The following FAM184B variants were observed in gnomAD, a reference collection of about 807,000 sequenced individuals.
FAM184B encodes the protein protein FAM184B.
A neutral mutation model predicts 135.9 loss-of-function variants in FAM184B; 111 were observed. The ratio of observed to expected loss-of-function variants is 0.82; its 90% CI spans 0.70 to 0.96. FAM184B has a LOEUF of 0.96. Ranked by LOEUF, FAM184B falls within the 40% of genes least tolerant of loss-of-function variation. FAM184B has a pLI of 0.00. For synonymous variants in FAM184B, 552 were observed against 524.8 expected (o/e 1.05, Z -0.71); for missense variants, 1,375 against 1,323.9 (o/e 1.04, Z -0.60).
At chr4:17,752,919 G>A (rs1333688144) in intron 1 of FAM184B, among the ~76,000 whole-genome samples, 2 of 152,210 alleles carry the variant, frequency 1.3e-5, no homozygotes, top group Non-Finnish European at 2.9e-5. Flanking sequence ...TGACACCCAA[G>A]TTTCTCTCTT....
chr4:17,692,344 A>G (rs1716758167), intron 6 of FAM184B, among the ~76,000 whole-genome samples: 1 of 152,230 alleles, frequency 6.6e-6, no homozygotes, highest in Non-Finnish European at 1.5e-5. Context: ...CTTTTCACCA[A>G]GACCCACCTC....
intron 1 of FAM184B, among the ~76,000 whole-genome samples, chr4:17,771,437 C>T (rs750395832): frequency 4.6e-5 from 7 of 152,164 alleles, no homozygotes; most frequent in African/African-American, 7.2e-5. Flanking sequence ...TTCGTGAGCT[C>T]CTTACACAAT....
intron 17 of FAM184B, 85 bp downstream of exon 17, chr4:17,633,604 G>A: frequency 1.6e-6 from 2 of 1,238,386 alleles, no homozygotes; most frequent in Non-Finnish European, 2.1e-6. Flanking sequence ...CTGGAATTTG[G>A]TACCAGGTGC....
At position 17,649,868 on chromosome 4, in the gene FAM184B, T is replaced by TCATC. The variant is rs60997289; in HGVS notation, c.2192-2081_2192-2078dup. Among the ~76,000 whole-genome samples the TCATC allele has an allele frequency of 1.1e-4, 15 of 134,348 alleles. No homozygotes were observed. The East Asian group carries it at 1.2e-3, about 11-fold the overall frequency. The allele number at this position is 134,348 out of a possible 152,430, so 88.1% of individuals were successfully genotyped here. A position where few individuals can be genotyped will look rare whatever the true frequency, so the allele number is the denominator to read the frequency against. On this transcript the variant is annotated intron_variant, in intron 11 of 17. Coordinates refer to ENST00000265018, the MANE Select transcript of FAM184B (RefSeq NM_015688.2). ...CCTGTCCATCCATCCATCCACCCACTCATCCATCCATCCACCCATCTATCT... is the reference window on the plus strand; with the variant it reads ...CCTGTCCATCCATCCATCCACCCACTCATCCATCCATCCATCCACCCATCTATCT...
intron 1 of FAM184B, among the ~76,000 whole-genome samples, chr4:17,777,179 A>G (rs114207963): frequency 1.3e-4 from 20 of 152,350 alleles, no homozygotes; most frequent in African/African-American, 4.8e-4. Context: ...AAGTAATAAA[A>G]AGGAACGAAT....
intron 1 of FAM184B, among the ~76,000 whole-genome samples, chr4:17,763,377 C>A (rs753788973): frequency 1.3e-5 from 2 of 151,466 alleles, no homozygotes; most frequent in Non-Finnish European, 2.9e-5. Context: ...GCTTTCCTGG[C>A]CTAGCTTTCA....
chr4:17,706,630 A>T (rs1717123298), intron 3 of FAM184B, among the ~76,000 whole-genome samples: 1 of 152,168 alleles, frequency 6.6e-6, no homozygotes, highest in African/African-American at 2.4e-5. Flanking sequence ...CCAGCCACTT[A>T]TCTTTTCTTG....
chr4:17,633,598 AATTTGGTACCAGGTGCT>A lies in FAM184B; in HGVS notation c.3089+74_3089+90del. Reference sequence around the variant, plus strand: ...TCATCCATGAAAAAAGGCCTTCTGGAATTTGGTACCAGGTGCTAGAAAGAATCCTACTTCCCCTCTTA... The same window carrying A: ...TCATCCATGAAAAAAGGCCTTCTGGAAGAAAGAATCCTACTTCCCCTCTTA... On this transcript the variant is annotated intron_variant, in intron 17 of 17. Transcript: ENST00000265018. 3 of 1,204,728 alleles carry A rather than the reference AATTTGGTACCAGGTGCT, an allele frequency of 2.5e-6. No individual in the cohort carries two copies. The East Asian group carries it at 8.8e-5, about 35-fold the overall frequency. The allele number at this position is 1,204,728 out of a possible 1,614,324, so 74.6% of individuals were successfully genotyped here. A position where few individuals can be genotyped will look rare whatever the true frequency, so the allele number is the denominator to read the frequency against.
At chr4:17,654,141 C>G (rs1162678209) in intron 10 of FAM184B, among the ~76,000 whole-genome samples, 2 of 151,232 alleles carry the variant, frequency 1.3e-5, no homozygotes, top group Admixed American at 6.6e-5. Context: ...TTTAAGCCAC[C>G]AGGCTTGTGC....
intron 1 of FAM184B, among the ~76,000 whole-genome samples, chr4:17,758,449 T>C (rs961689274): frequency 3.9e-5 from 6 of 152,248 alleles, no homozygotes; most frequent in African/African-American, 1.4e-4. Context: ...ACTGCCTACC[T>C]GTAGCAGCAG....
At chr4:17,660,757 G>C (rs1715898121) in intron 8 of FAM184B, among the ~76,000 whole-genome samples, 1 of 150,162 alleles carries the variant, frequency 6.7e-6, no homozygotes, top group African/African-American at 2.5e-5. Flanking sequence ...GGTTTAGATT[G>C]GGATGTGAAG....
At chr4:17,714,156 G>C (rs1176115432) in intron 1 of FAM184B, among the ~76,000 whole-genome samples, 1 of 152,152 alleles carries the variant, frequency 6.6e-6, no homozygotes, top group Non-Finnish European at 1.5e-5. Context: ...ATCTGCTATG[G>C]GGCTGCTGCA....
chr4:17,656,096 A>G (rs1228556589), intron 10 of FAM184B, among the ~76,000 whole-genome samples: 1 of 152,048 alleles, frequency 6.6e-6, no homozygotes, highest in Non-Finnish European at 1.5e-5. Flanking sequence ...CGGGACTCAG[A>G]CCTCATGGGT....
intron 1 of FAM184B, among the ~76,000 whole-genome samples, chr4:17,780,700 C>G (rs972947710): frequency 5.9e-5 from 9 of 152,054 alleles, no homozygotes; most frequent in Non-Finnish European, 1.2e-4. Flanking sequence ...AGGTTTAGTA[C>G]GGTGCCACGC....
At chr4:17,674,229 T>C (rs1716259501) in intron 7 of FAM184B, among the ~76,000 whole-genome samples, 1 of 152,150 alleles carries the variant, frequency 6.6e-6, no homozygotes, top group Non-Finnish European at 1.5e-5. Flanking sequence ...TCAGAGATAT[T>C]GTAGGTTCAG....
intron 1 of FAM184B, among the ~76,000 whole-genome samples, chr4:17,717,494 C>A (rs1014342525): frequency 1.1e-4 from 17 of 152,078 alleles, no homozygotes; most frequent in African/African-American, 3.4e-4. Flanking sequence ...TCAGACTGCT[C>A]CAGGCCTCAT....
intron 7 of FAM184B, among the ~76,000 whole-genome samples, chr4:17,665,705 T>C (rs528610353): frequency 2.0e-4 from 30 of 152,288 alleles, no homozygotes; most frequent in African/African-American, 7.0e-4. Flanking sequence ...GGAACAAAAC[T>C]GCTTTTATTG....
intron 1 of FAM184B, among the ~76,000 whole-genome samples, chr4:17,721,051 T>G (rs1158922598): frequency 6.6e-6 from 1 of 151,152 alleles, no homozygotes; most frequent in Non-Finnish European, 1.5e-5. Context: ...CCCCAAAGAG[T>G]GGCTGGCTCA....
At chr4:17,671,418 T>C (rs1012356386) in intron 7 of FAM184B, among the ~76,000 whole-genome samples, 1 of 152,138 alleles carries the variant, frequency 6.6e-6, no homozygotes, top group Admixed American at 6.5e-5. Flanking sequence ...AGCTCCTCCT[T>C]GGCTCAGTGC....
Sources: gnomAD v4.1 joint callset for allele counts (sites outside exome capture counted in the v4.1 genomes callset) on GRCh38, gnomAD v4.1.1 for gene constraint, MANE v1.5 for transcripts, NCBI Gene and HGNC (gene_info 2026-07-23, HGNC 2026-07-21) for gene names.